The following IQCK variants were observed in gnomAD, a reference collection of about 807,000 sequenced individuals.
The protein encoded by IQCK is IQ motif containing K.
Under a neutral mutation model 28.1 loss-of-function variants are expected in IQCK, and 29 were observed. That is an observed-to-expected ratio of 1.03 (90% confidence interval 0.77 to 1.41). The LOEUF is 1.41. Ranked by LOEUF, IQCK falls within the 40% of genes most tolerant of loss-of-function variation. The pLI, the probability that IQCK is intolerant of heterozygous loss-of-function variation, is 0.00. For synonymous variants in IQCK, 113 were observed against 115.1 expected, an observed-to-expected ratio of 0.98 and a Z score of 0.12; for missense variants, 359 against 314.7, an observed-to-expected ratio of 1.14 and a Z score of -1.07.
chr16:19,846,720 G>T (rs2056418834), intron 9 of IQCK, among the ~76,000 whole-genome samples: 1 of 152,160 alleles, frequency 6.6e-6, no homozygotes, highest in Non-Finnish European at 1.5e-5. Context: ...AAATTTACCA[G>T]GCTACTGACA....
intron 1 of IQCK, among the ~76,000 whole-genome samples, chr16:19,725,920 C>CT (rs1284380125): frequency 1.4e-3 from 201 of 139,856 alleles, no homozygotes; most frequent in South Asian, 2.7e-3. Flanking sequence ...TCTTTTTTTT[C>CT]TTTTTTTTTT....
At chr16:19,721,025 A>G (rs1413042349) in intron 1 of IQCK, among the ~76,000 whole-genome samples, 1 of 152,126 alleles carries the variant, frequency 6.6e-6, no homozygotes, top group Admixed American at 6.6e-5. Context: ...AAAAAAAAAA[A>G]ACAATTCAGT....
chr16:19,826,476 C>G (rs1778032370), intron 7 of IQCK, among the ~76,000 whole-genome samples: 1 of 152,176 alleles, frequency 6.6e-6, no homozygotes, highest in Non-Finnish European at 1.5e-5. Flanking sequence ...CTCCCGGGTT[C>G]AAGCAATTCT....
downstream of IQCK, among the ~76,000 whole-genome samples, chr16:19,827,905 A>T (rs986796292): frequency 1.3e-5 from 2 of 151,192 alleles, no homozygotes; most frequent in Non-Finnish European, 2.9e-5. Flanking sequence ...TAATTTCATG[A>T]GCCGATATCT....
intron 4 of IQCK, among the ~76,000 whole-genome samples, chr16:19,751,952 A>T (rs2054992639): frequency 6.6e-6 from 1 of 152,148 alleles, no homozygotes. Flanking sequence ...TGGAAGGGGA[A>T]AAGGTTGTAA....
chr16:19,725,938 T>C (rs1406832797), intron 1 of IQCK, among the ~76,000 whole-genome samples: 2 of 148,174 alleles, frequency 1.3e-5, no homozygotes, highest in Non-Finnish European at 3.0e-5. Flanking sequence ...TTTTTGGAGA[T>C]GGAGTCTCAC....
intron 6 of IQCK, among the ~76,000 whole-genome samples, chr16:19,783,381 C>T (rs11866204): frequency 0.34 from 51,184 of 151,906 alleles, 13,376 homozygotes; most frequent in African/African-American, 0.73. Context: ...ACTAGTATAA[C>T]AATTCTCCTT....
chr16:19,763,830 T>C lies in IQCK; in HGVS notation c.475-18T>C. Reference sequence around the variant, plus strand: ...GTTTAAGGGTCAGTTGTAATTTAATTATCTCTTCTCTCTTCAGAGGAAAAG... The same window carrying C: ...GTTTAAGGGTCAGTTGTAATTTAATCATCTCTTCTCTCTTCAGAGGAAAAG... On this transcript the variant is annotated intron_variant, in intron 4 of 7. Coordinates refer to ENST00000564186, the Ensembl canonical transcript of IQCK. 6.3e-7 allele frequency: 1 copy of C among 1,595,596 alleles called. No homozygotes were observed. Among genetic ancestry groups the C allele is most frequent in the South Asian group, 1.1e-5 (1 of 90,648 alleles).
intron 7 of IQCK, among the ~76,000 whole-genome samples, chr16:19,822,538 T>C (rs1189262341): frequency 6.6e-6 from 1 of 152,176 alleles, no homozygotes; most frequent in Non-Finnish European, 1.5e-5. Flanking sequence ...ATATGCTGAC[T>C]GGAAGAATCC....
At chr16:19,730,943 C>A (rs1977818225) in intron 2 of IQCK, among the ~76,000 whole-genome samples, 1 of 152,164 alleles carries the variant, frequency 6.6e-6, no homozygotes, top group African/African-American at 2.4e-5. Flanking sequence ...AGGCTGGTCT[C>A]ATACTCCTGA....
At chr16:19,801,303 T>A (rs1384177234) in intron 7 of IQCK, among the ~76,000 whole-genome samples, 1 of 92,824 alleles carries the variant, frequency 1.1e-5, no homozygotes, top group Non-Finnish European at 1.8e-5. Flanking sequence ...TCTCTCTCTC[T>A]TTTTTTTTTT....
chr16:19,820,844 A>C lies in IQCK; in HGVS notation c.691-6182A>C, dbSNP rs992416218. ...TCAACAACAAAATGACAAGCAACCC[A>C]CTGTTTAAAAGGGCAAAGGGAAGTG... On this transcript the variant is annotated intron_variant, in intron 7 of 7. Transcript: ENST00000564186. Among the ~76,000 whole-genome samples the C allele has an allele frequency of 2.0e-5, 3 of 152,140 alleles. No homozygotes were observed. In the East Asian group the frequency reaches 5.8e-4, roughly 29 times the overall value.
intron 1 of IQCK, among the ~76,000 whole-genome samples, chr16:19,726,829 C>T (rs1977670141): frequency 6.6e-6 from 1 of 152,058 alleles, no homozygotes; most frequent in African/African-American, 2.4e-5. Flanking sequence ...AACATATAGC[C>T]TATTAGAAAA....
chr16:19,739,853 C>T (rs1404318405), intron 4 of IQCK, among the ~76,000 whole-genome samples: 3 of 152,208 alleles, frequency 2.0e-5, no homozygotes, highest in Non-Finnish European at 2.9e-5. Flanking sequence ...ATTTATTGCC[C>T]GTTGTGCGTC....
At position 19,741,752 on chromosome 16, in the gene IQCK, C is replaced by T. The variant is rs530704509; in HGVS notation, c.474+6302C>T. Reference sequence around the variant, plus strand: ...CTGTAATCCCACCACTTAGAGAGGCCGAGGCGGGAGGATTGCTTGAACCCA... The same window carrying T: ...CTGTAATCCCACCACTTAGAGAGGCTGAGGCGGGAGGATTGCTTGAACCCA... On this transcript the variant is annotated intron_variant, in intron 4 of 7. Transcript: ENST00000564186. Among the ~76,000 whole-genome samples, 18 of 152,182 alleles carry T rather than the reference C, an allele frequency of 1.2e-4. No individual in the cohort carries two copies. The East Asian group carries it at 2.5e-3, about 21-fold the overall frequency.
chr16:19,742,636 G>A lies in IQCK; in HGVS notation c.474+7186G>A, dbSNP rs541500631. On this transcript the variant is annotated intron_variant, in intron 4 of 7. Transcript: ENST00000564186. ...GCATCCAATTGGCTCTTACACAGCA[G>A]CGTAATTCATTGTTTATTGATGCCA... Among the ~76,000 whole-genome samples the A allele has an allele frequency of 4.7e-4, 72 of 152,308 alleles. 3 individuals are homozygous for A. The South Asian group carries it at 0.015, about 32-fold the overall frequency.
At chr16:19,857,745 TAAAAA>T (rs397937342) in exon 10 of IQCK, 12 of 98,638 alleles carry the variant, frequency 1.2e-4, no homozygotes, top group Admixed American at 1.2e-4. Flanking sequence ...GCATCTGGGC[TAAAAA>T]AAAAAAAAAA....
At chr16:19,730,200 C>T (rs1351417187) in intron 1 of IQCK, among the ~76,000 whole-genome samples, 1 of 152,192 alleles carries the variant, frequency 6.6e-6, no homozygotes, top group Admixed American at 6.5e-5. Flanking sequence ...AGGTGATCCT[C>T]CTGCCTCGGC....
chr16:19,780,573 C>G (rs971178805), intron 6 of IQCK, among the ~76,000 whole-genome samples: 15 of 152,142 alleles, frequency 9.9e-5, no homozygotes, highest in Non-Finnish European at 1.2e-4. Context: ...ATTCAGGGGT[C>G]CCGGAACTTG....
Sources: gnomAD v4.1 joint callset for allele counts (sites outside exome capture counted in the v4.1 genomes callset) on GRCh38, gnomAD v4.1.1 for gene constraint, MANE v1.5 for transcripts, NCBI Gene and HGNC (gene_info 2026-07-23, HGNC 2026-07-21) for gene names.